CADPS2: variants seen among roughly 807,000 people sequenced by gnomAD.
CADPS2 encodes calcium dependent secretion activator 2, also known as calcium-dependent secretion activator 2.
Under a neutral mutation model 172.5 loss-of-function variants are expected in CADPS2, and 93 were observed. That is an observed-to-expected ratio of 0.54 (90% CI 0.46 to 0.64). CADPS2 has a LOEUF of 0.64. Among genes scored for constraint, CADPS2 ranks in the 30% least tolerant of loss-of-function variants. The pLI is 0.00. For missense variants in CADPS2, 1,420 were observed against 1,565.9 expected, an observed-to-expected ratio of 0.91 and a Z score of 1.57; for synonymous variants, 546 against 555.2, an observed-to-expected ratio of 0.98 and a Z score of 0.23.
chr7:122,670,241 C>T (rs2081660159), intron 2 of CADPS2, among the ~76,000 whole-genome samples: 2 of 152,016 alleles, frequency 1.3e-5, no homozygotes, highest in South Asian at 4.1e-4. Flanking sequence ...CATTGGTCTT[C>T]CACCAAAATC....
At chr7:122,877,509 A>C (rs1821507904) in intron 1 of CADPS2, among the ~76,000 whole-genome samples, 1 of 152,208 alleles carries the variant, frequency 6.6e-6, no homozygotes, top group South Asian at 2.1e-4. Flanking sequence ...AAAATCTAAA[A>C]GGATCAACAC....
intron 2 of CADPS2, among the ~76,000 whole-genome samples, chr7:122,713,651 G>A (rs2089135745): frequency 6.6e-6 from 1 of 151,552 alleles, no homozygotes; most frequent in African/African-American, 2.4e-5. Flanking sequence ...AAAGTGATAA[G>A]TATCACTTTT....
intron 8 of CADPS2, among the ~76,000 whole-genome samples, chr7:122,521,035 C>T (rs1327597307): frequency 6.6e-6 from 1 of 151,722 alleles, no homozygotes; most frequent in Non-Finnish European, 1.5e-5. Context: ...ATGATAAAGC[C>T]TTTTCTTCTA....
At chr7:122,719,657 C>A (rs2090130667) in intron 2 of CADPS2, among the ~76,000 whole-genome samples, 1 of 151,980 alleles carries the variant, frequency 6.6e-6, no homozygotes, top group Non-Finnish European at 1.5e-5. Context: ...CAAATGTGCA[C>A]ATAAATTTAT....
At chr7:122,360,099 T>C (rs1234410265) in intron 27 of CADPS2, among the ~76,000 whole-genome samples, 2 of 152,146 alleles carry the variant, frequency 1.3e-5, no homozygotes, top group African/African-American at 4.8e-5. Context: ...TTGACATATA[T>C]GCCAAAATAA....
intron 5 of CADPS2, among the ~76,000 whole-genome samples, chr7:122,618,951 T>C (rs999764530): frequency 2.6e-5 from 4 of 152,174 alleles, no homozygotes; most frequent in Admixed American, 6.5e-5. Flanking sequence ...CTGCCTTAGA[T>C]AGACATAGCA....
chr7:122,821,005 C>G (rs1185463903), intron 1 of CADPS2, among the ~76,000 whole-genome samples: 1 of 151,928 alleles, frequency 6.6e-6, no homozygotes. Flanking sequence ...CTTCCTCATA[C>G]CTGACGCATA....
chr7:122,657,209 T>C (rs1226292145), intron 3 of CADPS2, among the ~76,000 whole-genome samples: 1 of 152,242 alleles, frequency 6.6e-6, no homozygotes, highest in East Asian at 1.9e-4. Flanking sequence ...TTGGTTACTG[T>C]AGCCTTGTAG....
chr7:122,673,692 C>T (rs2082099614), intron 2 of CADPS2, among the ~76,000 whole-genome samples: 1 of 152,228 alleles, frequency 6.6e-6, no homozygotes, highest in Non-Finnish European at 1.5e-5. Flanking sequence ...ATACAATCCT[C>T]CAGCTAGACA....
At chr7:122,860,140 A>G (rs1816535541) in intron 1 of CADPS2, among the ~76,000 whole-genome samples, 1 of 113,708 alleles carries the variant, frequency 8.8e-6, no homozygotes, top group Admixed American at 8.0e-5. Flanking sequence ...TTACCTCCCA[A>G]CTTCCTCCCA....
intron 1 of CADPS2, among the ~76,000 whole-genome samples, chr7:122,781,087 CCA>C (rs1792585702): frequency 6.6e-6 from 1 of 152,148 alleles, no homozygotes; most frequent in Admixed American, 6.6e-5. Flanking sequence ...TACTTTCTTA[CCA>C]CACTCATGAC....
intron 27 of CADPS2, among the ~76,000 whole-genome samples, chr7:122,360,297 C>A (rs902586031): frequency 6.6e-6 from 1 of 152,046 alleles, no homozygotes; most frequent in African/African-American, 2.4e-5. Flanking sequence ...AATTTTGGAA[C>A]AAATTTATGA....
chr7:122,418,219 G>A (rs953105246), intron 17 of CADPS2, among the ~76,000 whole-genome samples: 2 of 151,898 alleles, frequency 1.3e-5, no homozygotes, highest in African/African-American at 4.8e-5. Context: ...TATGTGTCAG[G>A]CACAAGCCAG....
chr7:122,398,377 C>T (rs141134639), intron 20 of CADPS2, among the ~76,000 whole-genome samples: 24 of 152,282 alleles, frequency 1.6e-4, no homozygotes, highest in African/African-American at 5.5e-4. Flanking sequence ...TAGTGCTCAT[C>T]CTCTTCCAAT....
intron 6 of CADPS2, among the ~76,000 whole-genome samples, chr7:122,608,519 T>G (rs1206244247): frequency 6.6e-6 from 1 of 152,190 alleles, no homozygotes; most frequent in East Asian, 1.9e-4. Flanking sequence ...GTTAAGAATT[T>G]AAAGTTTCCA....
intron 8 of CADPS2, among the ~76,000 whole-genome samples, chr7:122,541,813 ATTCATAT>A (rs2063069664): frequency 1.7e-5 from 1 of 59,592 alleles, no homozygotes; most frequent in African/African-American, 7.5e-5. Flanking sequence ...ATATTTATAT[ATTCATAT>A]GTTTATATAT....
intron 11 of CADPS2, among the ~76,000 whole-genome samples, chr7:122,489,610 C>G (rs753633772): frequency 6.6e-6 from 1 of 152,010 alleles, no homozygotes; most frequent in Non-Finnish European, 1.5e-5. Flanking sequence ...GGCTTTATGA[C>G]TTATTATTTT....
intron 27 of CADPS2, among the ~76,000 whole-genome samples, chr7:122,353,530 T>C (rs544426677): frequency 2.0e-5 from 3 of 152,310 alleles, no homozygotes; most frequent in African/African-American, 7.2e-5. Context: ...TCTCTTCAGC[T>C]GTTTCACCTT....
Position 122,361,028 on chromosome 7 carries a change from T to C in CADPS2, c.3388-15A>G, listed in dbSNP as rs758492744. 5.6e-6 allele frequency: 9 copies of C among 1,601,824 alleles called. No individual in the cohort carries two copies. Among genetic ancestry groups the C allele is most frequent in the African/African-American group, 1.3e-5 (1 of 74,594 alleles). ...ACTGAAACAAACTATAATACAGTTA[T>C]AGTGAGTATTTAGAATGTTACTATG... On this transcript the variant is annotated splice_polypyrimidine_tract_variant and intron_variant, in intron 25 of 29. Transcript: ENST00000449022.
Sources: gnomAD v4.1 joint callset for allele counts (sites outside exome capture counted in the v4.1 genomes callset) on GRCh38, gnomAD v4.1.1 for gene constraint, MANE v1.5 for transcripts, NCBI Gene and HGNC (gene_info 2026-07-23, HGNC 2026-07-21) for gene names.